Variants in GTF3C2 observed in about 807,000 individuals in gnomAD.
GTF3C2 encodes the protein general transcription factor IIIC subunit 2.
Under a neutral mutation model 117.4 loss-of-function variants are expected in GTF3C2, and 17 were observed. The observed-to-expected ratio is 0.14, with a 90% CI of 0.10 to 0.22. The LOEUF (loss-of-function observed/expected upper bound fraction) is 0.22. Among genes scored for constraint, GTF3C2 ranks in the 10% least tolerant of loss-of-function variants. The pLI is 1.00. For synonymous variants in GTF3C2, 437 were observed against 427.0 expected (o/e 1.02, Z -0.29); for missense variants, 888 against 1,143.6 (o/e 0.78, Z 3.22).
chr2:27,336,328 C>G, exon 8 of GTF3C2: 1 of 1,613,096 alleles, frequency 6.2e-7, no homozygotes, highest in Non-Finnish European at 8.5e-7. Flanking sequence ...GAGGCTCCTG[C>G]CCCCTCTGGC....
intron 12 of GTF3C2, 115 bp downstream of exon 12, chr2:27,333,540 G>A: frequency 1.6e-6 from 1 of 607,668 alleles, no homozygotes; most frequent in South Asian, 2.5e-5. Context: ...TACATTGCTT[G>A]AATATTTCTA....
At chr2:27,353,437 TTTTTTG>T (rs1681209323) in intron 1 of GTF3C2, among the ~76,000 whole-genome samples, 1 of 151,572 alleles carries the variant, frequency 6.6e-6, no homozygotes, top group South Asian at 2.1e-4. Context: ...AGTTTTTTAG[TTTTTTG>T]TTTTTGTTTT....
At chr2:27,350,942 C>T (rs1425563650) in intron 1 of GTF3C2, among the ~76,000 whole-genome samples, 1 of 141,822 alleles carries the variant, frequency 7.1e-6, no homozygotes, top group African/African-American at 2.7e-5. Context: ...CAGCAAGACT[C>T]CATCTCAAAA....
chr2:27,352,276 T>C (rs781500716), intron 1 of GTF3C2, among the ~76,000 whole-genome samples: 2 of 152,196 alleles, frequency 1.3e-5, no homozygotes, highest in African/African-American at 4.8e-5. Flanking sequence ...GCAATCCCAC[T>C]TTCTCTCTAG....
intron 12 of GTF3C2, among the ~76,000 whole-genome samples, chr2:27,331,234 AG>A (rs1680262262): frequency 6.6e-6 from 1 of 152,230 alleles, no homozygotes; most frequent in Non-Finnish European, 1.5e-5. Context: ...TACCACCAAA[AG>A]AAAAAACATG....
At chr2:27,351,549 T>C (rs993546598) in intron 1 of GTF3C2, among the ~76,000 whole-genome samples, 3 of 152,190 alleles carry the variant, frequency 2.0e-5, no homozygotes, top group African/African-American at 4.8e-5. Flanking sequence ...CCTAACTAAA[T>C]AGGAGAGCCG....
At chr2:27,327,916 G>GTA in intron 17 of GTF3C2, 121 bp downstream of exon 17, 1 of 745,340 alleles carries the variant, frequency 1.3e-6, no homozygotes, top group Non-Finnish European at 2.1e-6. Context: ...ATGAGCCACT[G>GTA]CACCTGGCCG....
Position 27,329,058 on chromosome 2 carries a change from G to A in GTF3C2, c.2039+63C>T. 6.4e-7 allele frequency: 1 copy of A among 1,561,526 alleles called. No homozygotes were observed. Among genetic ancestry groups the A allele is most frequent in the Non-Finnish European group, 8.8e-7 (1 of 1,133,042 alleles). ...ACCCTCCTCTCCCCACAACAATCTG[G>A]CATGCTTTGCATTCCAACCCTTAGG... On this transcript the variant is annotated intron_variant, in intron 14 of 18. Coordinates refer to ENST00000264720, the Ensembl canonical transcript of GTF3C2. The surrounding 1 kb of genome is among the most constrained non-coding windows in gnomAD (Gnocchi z 4.5).
At chr2:27,348,780 C>G (rs1681009828) in intron 1 of GTF3C2, among the ~76,000 whole-genome samples, 1 of 152,180 alleles carries the variant, frequency 6.6e-6, no homozygotes, top group South Asian at 2.1e-4. Flanking sequence ...GCAGACAGAG[C>G]AAGATGCTAT....
At chr2:27,328,259 G>A (rs1680155698) in intron 16 of GTF3C2, 70 bp from the exon 17 acceptor site, 1 of 1,275,034 alleles carries the variant, frequency 7.8e-7, no homozygotes, top group Non-Finnish European at 1.1e-6. Flanking sequence ...AAAGTGGTTT[G>A]GGCAGGAAAG....
At chr2:27,342,099 C>T (rs1680756350) in exon 4 of GTF3C2, 2 of 1,614,062 alleles carry the variant, frequency 1.2e-6, no homozygotes, top group Admixed American at 3.3e-5. Flanking sequence ...CTCTTCTCCA[C>T]CTGGACAGGC....
exon 18 of GTF3C2, chr2:27,327,224 G>A: frequency 8.1e-6 from 13 of 1,610,172 alleles, no homozygotes; most frequent in Non-Finnish European, 9.3e-6. Context: ...AGTTGAGAAT[G>A]CCCCTCTCCC....
intron 1 of GTF3C2, chr2:27,356,009 A>C: frequency 5.0e-5 from 43 of 855,202 alleles, no homozygotes; most frequent in Non-Finnish European, 6.9e-5. Context: ...ACAATTGATA[A>C]GAGATTGCAA....
At chr2:27,335,833 C>T in intron 9 of GTF3C2, 84 bp downstream of exon 9, 4 of 1,102,080 alleles carry the variant, frequency 3.6e-6, no homozygotes, top group East Asian at 2.5e-5. Context: ...CTCCAACCTT[C>T]GTTCCTTCAA....
exon 19 of GTF3C2, chr2:27,326,262 T>C: frequency 2.1e-6 from 1 of 474,780 alleles, no homozygotes; most frequent in East Asian, 6.7e-5. Context: ...GATCCTGGAA[T>C]AGTCAGACAG....
chr2:27,330,453 C>T (rs1680238427), intron 12 of GTF3C2, among the ~76,000 whole-genome samples: 2 of 151,040 alleles, frequency 1.3e-5, no homozygotes, highest in South Asian at 2.1e-4. Context: ...CAGAACGAGA[C>T]TCCACCTCAA....
intron 1 of GTF3C2, among the ~76,000 whole-genome samples, chr2:27,344,298 A>G (rs1680842732): frequency 6.6e-6 from 1 of 152,198 alleles, no homozygotes; most frequent in Admixed American, 6.5e-5. Flanking sequence ...TGCTGGGATT[A>G]CAGATAATGA....
chr2:27,346,699 A>T (rs1040248585), intron 1 of GTF3C2, among the ~76,000 whole-genome samples: 17 of 150,972 alleles, frequency 1.1e-4, no homozygotes, highest in African/African-American at 4.1e-4. Context: ...AATTAAAAAA[A>T]ATTTTTTTTT....
chr2:27,336,050 G>A (rs2148277849), intron 8 of GTF3C2, 22 bp from the exon 9 acceptor site: 2 of 1,531,258 alleles, frequency 1.3e-6, no homozygotes, highest in Non-Finnish European at 1.8e-6. Context: ...GAGCATGTGG[G>A]GATGGTGGGT....
Sources: gnomAD v4.1 joint callset for allele counts (sites outside exome capture counted in the v4.1 genomes callset) on GRCh38, gnomAD v4.1.1 for gene constraint, Gnocchi (gnomAD v3.1) non-coding constraint, MANE v1.5 for transcripts, NCBI Gene and HGNC (gene_info 2026-07-23, HGNC 2026-07-21) for gene names.